The following ZSCAN4 variants were observed in gnomAD, a reference collection of about 807,000 sequenced individuals.
ZSCAN4 encodes zinc finger and SCAN domain-containing protein 4.
A neutral mutation model predicts 18.3 loss-of-function variants in ZSCAN4; 18 were observed. That is an observed-to-expected ratio of 0.98 (90% CI 0.68 to 1.46). The LOEUF (loss-of-function observed/expected upper bound fraction) is 1.46. Ranked by LOEUF, ZSCAN4 falls within the 40% of genes most tolerant of loss-of-function variation. ZSCAN4 has a pLI of 0.00. For missense variants in ZSCAN4, 498 were observed against 511.4 expected (o/e 0.97, Z 0.25); for synonymous variants, 193 against 180.3 (o/e 1.07, Z -0.57).
chr19:57,678,930 A>C (rs529835109), exon 5 of ZSCAN4: 1 of 1,545,098 alleles, frequency 6.5e-7, no homozygotes, highest in African/African-American at 1.4e-5. Flanking sequence ...AATGTGTATA[A>C]ATATGTATGC....
exon 5 of ZSCAN4, chr19:57,678,982 A>T: frequency 7.1e-7 from 1 of 1,413,338 alleles, no homozygotes; most frequent in Non-Finnish European, 9.3e-7. Context: ...TTAGGATATA[A>T]GATATAATCT....
the ZSCAN4 span, among the ~76,000 whole-genome samples, chr19:57,656,825 A>C: frequency 2.6e-5 from 4 of 152,050 alleles, no homozygotes; most frequent in African/African-American, 9.7e-5. Flanking sequence ...CTGTTTCTAC[A>C]AAAATTAGCT....
At chr19:57,665,191 T>C (rs1299863621), upstream of ZSCAN4, among the ~76,000 whole-genome samples, 2 of 152,224 alleles carry the variant, frequency 1.3e-5, no homozygotes, top group African/African-American at 4.8e-5. Context: ...GTAAAGTGGA[T>C]AGTAATTGCA....
At chr19:57,659,647 A>T in the ZSCAN4 span, among the ~76,000 whole-genome samples, 802 of 152,328 alleles carry the variant, frequency 5.3e-3, 8 homozygotes, top group African/African-American at 0.018. Context: ...TGTCTAATTC[A>T]TTCACTGTCT....
At chr19:57,672,348 C>T (rs1984048624) in intron 2 of ZSCAN4, among the ~76,000 whole-genome samples, 1 of 152,050 alleles carries the variant, frequency 6.6e-6, no homozygotes, top group Admixed American at 6.6e-5. Flanking sequence ...CTGGTAGTGG[C>T]CTTGCAGATG....
chr19:57,661,912 C>T, the ZSCAN4 span, among the ~76,000 whole-genome samples: 48 of 151,920 alleles, frequency 3.2e-4, 1 homozygote, highest in South Asian at 7.3e-3. Context: ...TAAAACCCGT[C>T]TCTACTAAAA....
intron 2 of ZSCAN4, 112 bp from the exon 3 acceptor site, chr19:57,675,929 T>C: frequency 2.1e-6 from 1 of 479,616 alleles, no homozygotes; most frequent in Non-Finnish European, 3.7e-6. Flanking sequence ...TGTTAAGTTA[T>C]AATTATTTCT....
chr19:57,663,668 C>G, the ZSCAN4 span, among the ~76,000 whole-genome samples: 2 of 140,180 alleles, frequency 1.4e-5, no homozygotes, highest in African/African-American at 5.4e-5. Flanking sequence ...GATCCCACCA[C>G]TGTACTGCAG....
the ZSCAN4 span, among the ~76,000 whole-genome samples, chr19:57,654,017 C>T: frequency 2.5e-3 from 382 of 152,342 alleles, 1 homozygote; most frequent in Non-Finnish European, 4.3e-3. Context: ...CAGGGTAACA[C>T]TGTCAGTCTC....
exon 5 of ZSCAN4, chr19:57,678,959 A>G (rs1984281158): frequency 6.7e-7 from 1 of 1,485,264 alleles, no homozygotes; most frequent in Non-Finnish European, 9.0e-7. Context: ...ATATTCCTAT[A>G]GTATTTATCT....
At chr19:57,665,451 A>G (rs1193399746), upstream of ZSCAN4, among the ~76,000 whole-genome samples, 2 of 152,106 alleles carry the variant, frequency 1.3e-5, no homozygotes, top group Non-Finnish European at 2.9e-5. Context: ...AGACACAAAT[A>G]TGTTTACACT....
At chr19:57,676,472 A>G in exon 3 of ZSCAN4, 1 of 1,614,220 alleles carries the variant, frequency 6.2e-7, no homozygotes. Context: ...AGAAATGGAA[A>G]TCAAGTGGCA....
the ZSCAN4 span, among the ~76,000 whole-genome samples, chr19:57,654,404 G>A: frequency 2.6e-5 from 4 of 151,980 alleles, no homozygotes; most frequent in African/African-American, 9.7e-5. Flanking sequence ...ATGTTTCCAA[G>A]CCAACAATAG....
exon 5 of ZSCAN4, chr19:57,678,703 C>T: frequency 6.2e-7 from 1 of 1,614,182 alleles, no homozygotes; most frequent in Non-Finnish European, 8.5e-7. Flanking sequence ...GGAAAGAAGC[C>T]TTTCACATGC....
At chr19:57,676,490 G>C in exon 3 of ZSCAN4, 1 of 1,614,136 alleles carries the variant, frequency 6.2e-7, no homozygotes, top group African/African-American at 1.3e-5. Flanking sequence ...GCAAAAACTT[G>C]GAGAGATTCA....
intron 2 of ZSCAN4, among the ~76,000 whole-genome samples, chr19:57,675,502 G>A (rs757045971): frequency 2.0e-5 from 3 of 152,068 alleles, no homozygotes; most frequent in Non-Finnish European, 4.4e-5. Flanking sequence ...GGCTAGTCTC[G>A]AACTCCTGAC....
chr19:57,660,139 C>T, the ZSCAN4 span, among the ~76,000 whole-genome samples: 78,959 of 151,994 alleles, frequency 0.52, 20,874 homozygotes, highest in East Asian at 0.59. Context: ...AAGTGAGTAA[C>T]TCATGCTTTT....
intron 2 of ZSCAN4, among the ~76,000 whole-genome samples, chr19:57,674,819 A>G (rs1019984240): frequency 2.6e-5 from 4 of 152,310 alleles, no homozygotes; most frequent in Admixed American, 6.5e-5. Context: ...GACTCTATAA[A>G]TATGTTTGAA....
the ZSCAN4 span, among the ~76,000 whole-genome samples, chr19:57,662,885 TTTG>T: frequency 4.5e-4 from 68 of 151,556 alleles, no homozygotes; most frequent in Non-Finnish European, 6.6e-4. Flanking sequence ...CTTTGGGTTT[TTTG>T]TTGTTGTTGT....
Sources: gnomAD v4.1 joint callset for allele counts (sites outside exome capture counted in the v4.1 genomes callset) on GRCh38, gnomAD v4.1.1 for gene constraint, MANE v1.5 for transcripts, NCBI Gene and HGNC (gene_info 2026-07-23, HGNC 2026-07-21) for gene names.